The following TENM3 variants were observed in gnomAD, a reference collection of about 807,000 sequenced individuals.
TENM3 encodes the protein teneurin transmembrane protein 3, also known as teneurin-3.
TENM3 carries 63 observed loss-of-function variants against 255.1 expected under a neutral mutation model. The observed-to-expected ratio is 0.25, with a 90% CI of 0.20 to 0.30. TENM3 has a LOEUF of 0.30. Among genes scored for constraint, TENM3 ranks in the 10% least tolerant of loss-of-function variants. The probability of loss-of-function intolerance (pLI) is 1.00; values close to 1 mark genes in which losing one functional copy is unlikely to be tolerated. For missense variants in TENM3, 2,929 were observed against 3,461.1 expected, an observed-to-expected ratio of 0.85 and a Z score of 3.86; for synonymous variants, 1,306 against 1,322.3, an observed-to-expected ratio of 0.99 and a Z score of 0.27.
chr4:182,317,686 C>A (rs1190215419), intron 1 of TENM3, among the ~76,000 whole-genome samples: 1 of 151,794 alleles, frequency 6.6e-6, no homozygotes, highest in East Asian at 1.9e-4. Flanking sequence ...AGCTCAAATT[C>A]TAGTTATGCT....
the TENM3 span, among the ~76,000 whole-genome samples, chr4:181,689,621 C>G: frequency 6.6e-6 from 1 of 152,256 alleles, no homozygotes; most frequent in Non-Finnish European, 1.5e-5. Flanking sequence ...AAAAGTATGG[C>G]ATGATCTTCC....
the TENM3 span, among the ~76,000 whole-genome samples, chr4:181,922,989 T>A: frequency 6.6e-6 from 1 of 152,224 alleles, no homozygotes; most frequent in Non-Finnish European, 1.5e-5. Context: ...CATTTCGTTA[T>A]GTACCCAGTA....
At chr4:182,781,099 T>C (rs527537443) in intron 24 of TENM3, among the ~76,000 whole-genome samples, 349 of 152,166 alleles carry the variant, frequency 2.3e-3, no homozygotes, top group African/African-American at 8.0e-3. Context: ...CTATGTTGAA[T>C]AGGAGTGGTG....
the TENM3 span, among the ~76,000 whole-genome samples, chr4:181,817,949 T>C: frequency 7.9e-5 from 12 of 152,308 alleles, no homozygotes; most frequent in East Asian, 1.5e-3. Context: ...GTCCAGTGTT[T>C]GTAGTGGTTT....
At chr4:181,638,305 G>C in the TENM3 span, among the ~76,000 whole-genome samples, 475 of 152,258 alleles carry the variant, frequency 3.1e-3, 2 homozygotes, top group African/African-American at 0.011. Context: ...TTCCTCCAGC[G>C]TAAGCACTGG....
the TENM3 span, among the ~76,000 whole-genome samples, chr4:181,808,619 C>G: frequency 2.0e-5 from 3 of 152,108 alleles, no homozygotes; most frequent in Admixed American, 2.0e-4. Context: ...CAGCTAGATG[C>G]CTGCCTACAT....
At chr4:182,249,548 C>T (rs921335523) in intron 1 of TENM3, among the ~76,000 whole-genome samples, 9 of 152,096 alleles carry the variant, frequency 5.9e-5, no homozygotes, top group Non-Finnish European at 1.0e-4. Flanking sequence ...TCTGCTCCAT[C>T]GTAGACTGAA....
At chr4:181,743,467 T>G in the TENM3 span, among the ~76,000 whole-genome samples, 1 of 152,210 alleles carries the variant, frequency 6.6e-6, no homozygotes, top group Non-Finnish European at 1.5e-5. Context: ...AAGGAAAGTC[T>G]TCCTGAGAAA....
the TENM3 span, among the ~76,000 whole-genome samples, chr4:181,865,773 G>A: frequency 4.5e-4 from 68 of 152,112 alleles, 1 homozygote; most frequent in South Asian, 1.7e-3. Context: ...TTAGAAATCC[G>A]GTCAGTGTAC....
At chr4:182,258,837 G>C (rs771344647) in intron 1 of TENM3, among the ~76,000 whole-genome samples, 2 of 152,048 alleles carry the variant, frequency 1.3e-5, no homozygotes, top group Non-Finnish European at 2.9e-5. Flanking sequence ...ATCCAGCATT[G>C]GTTACATAAA....
the TENM3 span, among the ~76,000 whole-genome samples, chr4:182,037,457 T>C: frequency 7.2e-5 from 11 of 152,276 alleles, no homozygotes; most frequent in Admixed American, 7.2e-4. Context: ...CAAACTTCTT[T>C]ATCAAATATA....
the TENM3 span, among the ~76,000 whole-genome samples, chr4:181,999,032 G>A: frequency 6.6e-6 from 1 of 152,150 alleles, no homozygotes; most frequent in Admixed American, 6.6e-5. Context: ...TTGGCTGGTG[G>A]TTGAGTGCTA....
intron 6 of TENM3, among the ~76,000 whole-genome samples, chr4:182,654,236 A>T (rs907880057): frequency 6.6e-6 from 1 of 152,136 alleles, no homozygotes; most frequent in Non-Finnish European, 1.5e-5. Flanking sequence ...GGTTTTCTTC[A>T]TTCAACTTGC....
chr4:182,671,933 CT>C lies in TENM3; in HGVS notation c.1112-1069del, dbSNP rs559783634. Reference sequence around the variant, plus strand: ...GTCTCACTGTGTTGCCCAGGCTGGACTTTAACTCCTGCGCTCAAGTGATCCT... The same window carrying C: ...GTCTCACTGTGTTGCCCAGGCTGGACTTAACTCCTGCGCTCAAGTGATCCT... On this transcript the variant is annotated intron_variant, in intron 6 of 27. Coordinates refer to ENST00000511685, the MANE Select transcript of TENM3 (RefSeq NM_001080477.4). Among the ~76,000 whole-genome samples the C allele has an allele frequency of 6.1e-3, 928 of 152,208 alleles. 15 individuals carry two copies. Among genetic ancestry groups the C allele is most frequent in the Admixed American group, 0.025 (387 of 15,292 alleles).
chr4:181,792,031 G>A, the TENM3 span, among the ~76,000 whole-genome samples: 1 of 152,204 alleles, frequency 6.6e-6, no homozygotes, highest in Non-Finnish European at 1.5e-5. Context: ...TAGTCTACAT[G>A]ATAAGTGTTT....
chr4:181,627,728 T>C, the TENM3 span, among the ~76,000 whole-genome samples: 1 of 152,180 alleles, frequency 6.6e-6, no homozygotes, highest in African/African-American at 2.4e-5. Flanking sequence ...CTTAATCCGG[T>C]CTATCATTGA....
chr4:182,076,213 C>CT, the TENM3 span, among the ~76,000 whole-genome samples: 85 of 126,368 alleles, frequency 6.7e-4, no homozygotes, highest in East Asian at 2.7e-3. Flanking sequence ...TCTTCTTCTT[C>CT]TTTTTTTTTT....
rs143244961 is a variant in TENM3, at chr4:182,323,218, A to C, written c.-75-728A>C. 3.3e-3 allele frequency among the ~76,000 whole-genome samples: 503 copies of C among 152,254 alleles called. 4 individuals are homozygous for C. The highest frequency in any genetic ancestry group is 0.011 in the African/African-American group (470 of 41,550). On this transcript the variant is annotated intron_variant, in intron 1 of 27. Transcript: ENST00000511685. ...CCTCGCTTATTCGTGCAGTTGCAGG[A>C]AACTCCCCCCATCAAATTAGCCCCT...
Position 182,488,459 on chromosome 4 carries a change from A to G in TENM3, c.512-112465A>G, listed in dbSNP as rs550520698. On this transcript the variant is annotated intron_variant, in intron 3 of 27. Coordinates refer to ENST00000511685, the MANE Select transcript of TENM3 (RefSeq NM_001080477.4). ...AATTAAGACTTGCTAAGTTATCTATATAATTTTGTTCTGCATACAAATAGA... is the reference window on the plus strand; with the variant it reads ...AATTAAGACTTGCTAAGTTATCTATGTAATTTTGTTCTGCATACAAATAGA... 2.1e-5 allele frequency among the ~76,000 whole-genome samples: 3 copies of G among 139,630 alleles called. No homozygotes were observed. In the East Asian group the frequency reaches 6.1e-4, roughly 28 times the overall value. 91.6% of individuals were successfully genotyped at this position (139,630 alleles called of 152,430 possible).
Sources: allele counts gnomAD v4.1 joint callset (sites outside exome capture counted in the v4.1 genomes callset), GRCh38; gene constraint gnomAD v4.1.1; transcripts MANE v1.5; gene names NCBI Gene and HGNC (gene_info 2026-07-23, HGNC 2026-07-21).